ZFAT: variants seen among roughly 807,000 people sequenced by gnomAD.
ZFAT encodes the protein zinc finger and AT-hook domain containing.
ZFAT carries 64 observed loss-of-function variants against 117.7 expected under a neutral mutation model. That is an observed-to-expected ratio of 0.54 (90% CI 0.44 to 0.67). The LOEUF is 0.67. ZFAT is among the 30% of genes least tolerant of loss of function. The pLI, the probability that ZFAT is intolerant of heterozygous loss-of-function variation, is 0.00. For missense variants in ZFAT, 1,433 were observed against 1,584.5 expected, an observed-to-expected ratio of 0.90 and a Z score of 1.62; for synonymous variants, 679 against 615.0, an observed-to-expected ratio of 1.10 and a Z score of -1.54.
chr8:134,672,981 T>C (rs886609637), intron 1 of ZFAT: 1 of 152,174 alleles, frequency 6.6e-6, no homozygotes, highest in Non-Finnish European at 1.5e-5. Flanking sequence ...ATACACCAGA[T>C]TTTCCTCTTA....
At chr8:134,670,150 A>G (rs1275534688) in intron 1 of ZFAT, among the ~76,000 whole-genome samples, 1 of 152,210 alleles carries the variant, frequency 6.6e-6, no homozygotes, top group Non-Finnish European at 1.5e-5. Context: ...CACAATAATA[A>G]TGGGAGACTG....
chr8:134,629,140 C>T (rs1470784587), intron 3 of ZFAT, among the ~76,000 whole-genome samples: 2 of 151,990 alleles, frequency 1.3e-5, no homozygotes, highest in African/African-American at 4.8e-5. Flanking sequence ...CGGTAAGTGT[C>T]GGGATGTGAC....
intron 1 of ZFAT, among the ~76,000 whole-genome samples, chr8:134,694,432 TACTA>T (rs201986905): frequency 1.3e-5 from 2 of 152,192 alleles, no homozygotes; most frequent in East Asian, 3.8e-4. Context: ...TGTAGTAAAA[TACTA>T]ACACTCAGGA....
the ZFAT span, among the ~76,000 whole-genome samples, chr8:134,760,740 G>A: frequency 1.3e-5 from 2 of 152,182 alleles, no homozygotes; most frequent in Non-Finnish European, 2.9e-5. Flanking sequence ...ATTGGGCTAG[G>A]TTCCAGGGAT....
At chr8:134,591,935 T>C (rs1291172912) in intron 7 of ZFAT, among the ~76,000 whole-genome samples, 1 of 152,234 alleles carries the variant, frequency 6.6e-6, no homozygotes, top group African/African-American at 2.4e-5. Flanking sequence ...ACCACCAGCA[T>C]GTGGCACTTT....
At chr8:134,599,974 C>G in intron 7 of ZFAT, 1 of 373,698 alleles carries the variant, frequency 2.7e-6, no homozygotes, top group Non-Finnish European at 5.2e-6. Flanking sequence ...ATAAATAACA[C>G]AAAACTGTGA....
chr8:134,563,714 C>G (rs1198675597), intron 11 of ZFAT, among the ~76,000 whole-genome samples: 1 of 152,174 alleles, frequency 6.6e-6, no homozygotes, highest in Non-Finnish European at 1.5e-5. Context: ...GAAGGAGATT[C>G]TAGATGATGA....
the ZFAT span, among the ~76,000 whole-genome samples, chr8:134,742,480 G>A: frequency 1.3e-5 from 2 of 151,996 alleles, no homozygotes; most frequent in Non-Finnish European, 2.9e-5. Context: ...CAGTCCTCGG[G>A]GTTCAATCTG....
At chr8:134,543,707 T>G (rs1822458881) in intron 11 of ZFAT, among the ~76,000 whole-genome samples, 1 of 152,170 alleles carries the variant, frequency 6.6e-6, no homozygotes, top group Admixed American at 6.5e-5. Flanking sequence ...GCTATGGTCA[T>G]CTAGTGAAAC....
the ZFAT span, among the ~76,000 whole-genome samples, chr8:134,806,237 T>C: frequency 6.6e-6 from 1 of 152,160 alleles, no homozygotes; most frequent in Non-Finnish European, 1.5e-5. Context: ...GAGAAAAGGA[T>C]TTCAGTTGCT....
At chr8:134,534,647 G>C (rs919124631) in intron 11 of ZFAT, among the ~76,000 whole-genome samples, 4 of 148,524 alleles carry the variant, frequency 2.7e-5, no homozygotes, top group Non-Finnish European at 6.0e-5. Flanking sequence ...GAGAGGGAGA[G>C]AGGGAGAAAG....
intron 7 of ZFAT, chr8:134,599,471 A>G (rs2130915770): frequency 3.8e-6 from 1 of 265,018 alleles, no homozygotes; most frequent in East Asian, 1.2e-4. Flanking sequence ...GCTATTTCAT[A>G]CAGGTCTCAG....
At chr8:134,672,546 T>TA (rs1473189731) in intron 1 of ZFAT, among the ~76,000 whole-genome samples, 1 of 151,986 alleles carries the variant, frequency 6.6e-6, no homozygotes, top group East Asian at 1.9e-4. Context: ...CCCTAGAACT[T>TA]AAAGTATAAT....
chr8:134,607,232 A>G (rs1586805801), intron 5 of ZFAT, among the ~76,000 whole-genome samples: 2 of 152,222 alleles, frequency 1.3e-5, no homozygotes, highest in African/African-American at 4.8e-5. Context: ...ACACAGAATG[A>G]TTTTAGAGAC....
At chr8:134,557,520 A>ATATC (rs1485082873) in intron 11 of ZFAT, among the ~76,000 whole-genome samples, 1 of 152,262 alleles carries the variant, frequency 6.6e-6, no homozygotes, top group Non-Finnish European at 1.5e-5. Context: ...TTGATATTAG[A>ATATC]TGGTAACAAC....
upstream of ZFAT, among the ~76,000 whole-genome samples, chr8:134,714,302 G>A (rs973956654): frequency 1.3e-5 from 2 of 152,128 alleles, no homozygotes; most frequent in African/African-American, 4.8e-5. Context: ...TGTTCCCACA[G>A]CTCTGGTCTC....
At chr8:134,738,105 A>C in the ZFAT span, among the ~76,000 whole-genome samples, 1 of 152,184 alleles carries the variant, frequency 6.6e-6, no homozygotes, top group Non-Finnish European at 1.5e-5. Flanking sequence ...TGCTGCTTTT[A>C]GCTCAGTTCC....
At chr8:134,479,400 G>A (rs1366875510) in intron 15 of ZFAT, among the ~76,000 whole-genome samples, 1 of 152,208 alleles carries the variant, frequency 6.6e-6, no homozygotes, top group Non-Finnish European at 1.5e-5. Flanking sequence ...TCTATGGCCA[G>A]GCCTTTCTCT....
intron 12 of ZFAT, among the ~76,000 whole-genome samples, chr8:134,532,388 T>TG (rs1479749105): frequency 6.6e-6 from 1 of 152,250 alleles, no homozygotes; most frequent in African/African-American, 2.4e-5. Flanking sequence ...GAATTGTTAG[T>TG]GTTTCCATTT....
Sources: gnomAD v4.1 joint callset for allele counts (sites outside exome capture counted in the v4.1 genomes callset) on GRCh38, gnomAD v4.1.1 for gene constraint, MANE v1.5 for transcripts, NCBI Gene and HGNC (gene_info 2026-07-23, HGNC 2026-07-21) for gene names.